Variants in CPEB3 observed in about 807,000 individuals in gnomAD.
The protein encoded by CPEB3 is cytoplasmic polyadenylation element binding protein 3, also known as cytoplasmic polyadenylation element-binding protein 3.
CPEB3 carries 20 observed loss-of-function variants against 67.2 expected under a neutral mutation model. The ratio of observed to expected loss-of-function variants is 0.30; its 90% confidence interval spans 0.21 to 0.43. The LOEUF (loss-of-function observed/expected upper bound fraction) is 0.43, where lower values mean the gene tolerates loss of function less well. CPEB3 is among the 20% of genes least tolerant of loss of function. The pLI, the probability that CPEB3 is intolerant of heterozygous loss-of-function variation, is 1.00. For synonymous variants in CPEB3, 376 were observed against 393.1 expected (o/e 0.96, Z 0.51); for missense variants, 746 against 968.6 (o/e 0.77, Z 3.05).
chr10:92,226,536 A>T (rs1328810584), intron 2 of CPEB3, among the ~76,000 whole-genome samples: 1 of 152,228 alleles, frequency 6.6e-6, no homozygotes, highest in Non-Finnish European at 1.5e-5. Flanking sequence ...CACTCAAAAA[A>T]TATTTACCAT....
chr10:92,189,341 T>C (rs970356896), intron 3 of CPEB3, among the ~76,000 whole-genome samples: 1 of 152,212 alleles, frequency 6.6e-6, no homozygotes, highest in African/African-American at 2.4e-5. Context: ...AACATTTAGC[T>C]GAAGTCTAGT....
intron 1 of CPEB3, among the ~76,000 whole-genome samples, chr10:92,277,071 A>T (rs1842023995): frequency 6.6e-6 from 1 of 152,166 alleles, no homozygotes; most frequent in African/African-American, 2.4e-5. Flanking sequence ...TTCAGATATG[A>T]TTTCCAAACA....
At chr10:92,207,552 T>C (rs893584081) in intron 2 of CPEB3, among the ~76,000 whole-genome samples, 1 of 152,052 alleles carries the variant, frequency 6.6e-6, no homozygotes, top group Non-Finnish European at 1.5e-5. Flanking sequence ...GAGGAAGAAA[T>C]GAGATAAAAC....
intron 6 of CPEB3, among the ~76,000 whole-genome samples, chr10:92,126,602 T>C (rs1845618407): frequency 1.3e-5 from 2 of 152,254 alleles, no homozygotes; most frequent in Non-Finnish European, 2.9e-5. Flanking sequence ...TTGGGTCATA[T>C]AGCTTAAGAT....
chr10:92,216,816 A>T (rs1405293561), intron 2 of CPEB3: 1 of 1,567,330 alleles, frequency 6.4e-7, no homozygotes, highest in Non-Finnish European at 8.6e-7. Flanking sequence ...GCACCTGGGC[A>T]CCTGCCGCTG....
intron 2 of CPEB3, among the ~76,000 whole-genome samples, chr10:92,200,227 C>A (rs537619653): frequency 6.6e-6 from 1 of 152,204 alleles, no homozygotes; most frequent in Non-Finnish European, 1.5e-5. Context: ...TTCTCAAGAA[C>A]CCTCAAAATA....
chr10:92,160,874 G>C (rs1590269397), intron 4 of CPEB3, among the ~76,000 whole-genome samples: 2 of 152,304 alleles, frequency 1.3e-5, no homozygotes, highest in South Asian at 4.1e-4. Flanking sequence ...AGTTACAAAA[G>C]ACCTACCTGG....
At chr10:92,159,337 T>G (rs1414803085) in intron 4 of CPEB3, among the ~76,000 whole-genome samples, 1 of 151,754 alleles carries the variant, frequency 6.6e-6, no homozygotes, top group Non-Finnish European at 1.5e-5. Flanking sequence ...AGGAAGATAA[T>G]TTGGAGTTAC....
chr10:92,053,300 G>A (rs763461246), intron 9 of CPEB3, among the ~76,000 whole-genome samples: 6 of 151,936 alleles, frequency 3.9e-5, no homozygotes, highest in Non-Finnish European at 5.9e-5. Flanking sequence ...AAGTTACCAC[G>A]TTCTCACCCA....
At chr10:92,227,736 T>C (rs1238100377) in intron 2 of CPEB3, among the ~76,000 whole-genome samples, 3 of 151,170 alleles carry the variant, frequency 2.0e-5, no homozygotes, top group Admixed American at 6.6e-5. Flanking sequence ...GGACTACAGG[T>C]GCCCGCTACC....
chr10:92,271,530 T>C (rs1853307354), intron 1 of CPEB3, among the ~76,000 whole-genome samples: 1 of 152,202 alleles, frequency 6.6e-6, no homozygotes, highest in Non-Finnish European at 1.5e-5. Flanking sequence ...AGTTATTTGG[T>C]AGAATGACCC....
In CPEB3 at chr10:92,192,609, T is replaced by C; in HGVS notation, c.1033A>G (p.Asn345Asp). 6.2e-7 allele frequency: 1 copy of C among 1,612,174 alleles called. No homozygotes were observed. Among genetic ancestry groups the C allele is most frequent in the Non-Finnish European group, 8.5e-7 (1 of 1,179,148 alleles). Residue 345 changes from asparagine to aspartate, a missense_variant, in exon 3 of 10, where the codon AAC becomes GAC. Coordinates refer to ENST00000265997, the MANE Select transcript of CPEB3 (RefSeq NM_014912.5). Reference protein sequence around the residue: ...QDRSRPYDTFNLHSLENSLMD... With the variant: ...QDRSRPYDTFDLHSLENSLMD... Reference sequence around the variant, plus strand: ...AAGGAGTTCTCCAACGAGTGCAAGTTAAAAGTATCATAGGGCCTACTCCGG... The same window carrying C: ...AAGGAGTTCTCCAACGAGTGCAAGTCAAAAGTATCATAGGGCCTACTCCGG...
chr10:92,168,299 C>G (rs1282671171), intron 4 of CPEB3, among the ~76,000 whole-genome samples: 1 of 152,130 alleles, frequency 6.6e-6, no homozygotes, highest in African/African-American at 2.4e-5. Context: ...GTATCTTAAG[C>G]AAAACAGGAT....
intron 2 of CPEB3, among the ~76,000 whole-genome samples, chr10:92,196,799 G>C (rs1849261251): frequency 6.6e-6 from 1 of 151,472 alleles, no homozygotes; most frequent in Admixed American, 6.6e-5. Flanking sequence ...AGGCATTGTG[G>C]CAGGTGCCTG....
chr10:92,261,990 A>G (rs1426819929), intron 1 of CPEB3, among the ~76,000 whole-genome samples: 1 of 152,204 alleles, frequency 6.6e-6, no homozygotes, highest in Non-Finnish European at 1.5e-5. Context: ...CTGTCTTGTC[A>G]TGTTGCAGAC....
intron 2 of CPEB3, among the ~76,000 whole-genome samples, chr10:92,220,839 A>G (rs1330216482): frequency 6.6e-6 from 1 of 152,240 alleles, no homozygotes; most frequent in African/African-American, 2.4e-5. Context: ...TAAGTAGTAG[A>G]TAATTGGTTA....
At chr10:92,094,559 G>A (rs996814761) in intron 7 of CPEB3, among the ~76,000 whole-genome samples, 2 of 151,060 alleles carry the variant, frequency 1.3e-5, no homozygotes, top group African/African-American at 4.9e-5. Flanking sequence ...CCAAGATCAC[G>A]TCACTGCACT....
In CPEB3 at chr10:92,155,850, T is replaced by C. The variant is rs1481596100; in HGVS notation, c.1223-10765A>G. Reference sequence around the variant, plus strand: ...ACAAATAGATATGGAGAAAGTAAAATGAAAAAAGGATGAGTATTTTTTTCA... The same window carrying C: ...ACAAATAGATATGGAGAAAGTAAAACGAAAAAAGGATGAGTATTTTTTTCA... On this transcript the variant is annotated intron_variant, in intron 4 of 9. Transcript: ENST00000265997. Among the ~76,000 whole-genome samples, 4 of 151,906 alleles carry C rather than the reference T, an allele frequency of 2.6e-5. No homozygotes were observed. In the South Asian group the frequency reaches 8.3e-4, roughly 32 times the overall value.
chr10:92,284,370 C>T (rs902332636), intron 1 of CPEB3, among the ~76,000 whole-genome samples: 4 of 152,054 alleles, frequency 2.6e-5, no homozygotes, highest in African/African-American at 9.7e-5. Flanking sequence ...CTAAACCCTC[C>T]CACAAGCAGC....
Sources: allele counts gnomAD v4.1 joint callset (sites outside exome capture counted in the v4.1 genomes callset), GRCh38; gene constraint gnomAD v4.1.1; transcripts MANE v1.5; gene names NCBI Gene and HGNC (gene_info 2026-07-23, HGNC 2026-07-21).